Variants in ESRRG observed in about 807,000 individuals in gnomAD.
The protein encoded by ESRRG is estrogen-related receptor gamma.
In ESRRG, 13 loss-of-function variants were observed where a neutral mutation model predicts 44.0. That is an observed-to-expected ratio of 0.30 (90% CI 0.19 to 0.47). ESRRG has a LOEUF of 0.47. ESRRG is among the 20% of genes least tolerant of loss of function. ESRRG has a pLI of 1.00. For synonymous variants in ESRRG, 215 were observed against 214.6 expected (o/e 1.00, Z -0.02); for missense variants, 395 against 580.6 (o/e 0.68, Z 3.29).
At chr1:216,953,799 A>G (rs1476849395) in intron 1 of ESRRG, among the ~76,000 whole-genome samples, 2 of 152,192 alleles carry the variant, frequency 1.3e-5, no homozygotes, top group Non-Finnish European at 2.9e-5. Flanking sequence ...TATAAAATAT[A>G]GCTCAAGTAT....
chr1:216,853,363 A>G (rs971634322), intron 2 of ESRRG, among the ~76,000 whole-genome samples: 5 of 152,176 alleles, frequency 3.3e-5, no homozygotes, highest in African/African-American at 1.2e-4. Flanking sequence ...TCCAACTTCA[A>G]AAAAGTTCAA....
chr1:216,655,672 C>T (rs1035083236), intron 2 of ESRRG, among the ~76,000 whole-genome samples: 1 of 152,152 alleles, frequency 6.6e-6, no homozygotes, highest in Non-Finnish European at 1.5e-5. Context: ...GTTGCCTTGA[C>T]ACATACGGAT....
At chr1:216,605,995 G>C (rs1198653310) in intron 3 of ESRRG, among the ~76,000 whole-genome samples, 1 of 151,996 alleles carries the variant, frequency 6.6e-6, no homozygotes, top group African/African-American at 2.4e-5. Context: ...TTGCTTCACA[G>C]AGTTTAAGCT....
At chr1:216,840,350 C>T (rs781247163) in intron 2 of ESRRG, among the ~76,000 whole-genome samples, 2 of 152,210 alleles carry the variant, frequency 1.3e-5, no homozygotes, top group African/African-American at 4.8e-5. Context: ...TCAGCCTTCA[C>T]AGAATTGAAG....
chr1:217,087,430 C>T (rs961162260), intron 1 of ESRRG, among the ~76,000 whole-genome samples: 2 of 152,324 alleles, frequency 1.3e-5, no homozygotes, highest in Middle Eastern at 6.8e-3. Context: ...ACATGGTACT[C>T]TCTTGGTAAC....
chr1:216,513,758 C>T (rs2043380291), intron 6 of ESRRG, among the ~76,000 whole-genome samples: 1 of 152,052 alleles, frequency 6.6e-6, no homozygotes, highest in Non-Finnish European at 1.5e-5. Flanking sequence ...TACTTAAGGC[C>T]TTCCATCTCT....
At chr1:216,776,140 G>A (rs1190895620) in intron 2 of ESRRG, among the ~76,000 whole-genome samples, 1 of 151,982 alleles carries the variant, frequency 6.6e-6, no homozygotes, top group Non-Finnish European at 1.5e-5. Context: ...TGTTATACAA[G>A]GTGCTTTTTG....
intron 1 of ESRRG, among the ~76,000 whole-genome samples, chr1:216,685,656 G>A (rs1466316042): frequency 1.3e-5 from 2 of 152,204 alleles, no homozygotes; most frequent in East Asian, 3.8e-4. Context: ...TCCAGTGATG[G>A]AGTTCACAAA....
At chr1:216,826,202 A>ACC in intron 2 of ESRRG, among the ~76,000 whole-genome samples, 1 of 142,244 alleles carries the variant, frequency 7.0e-6, no homozygotes, top group South Asian at 2.2e-4. Context: ...AAAAAAAAAA[A>ACC]ACACACACAC....
At chr1:216,616,583 C>T (rs1008153761) in intron 3 of ESRRG, among the ~76,000 whole-genome samples, 3 of 152,176 alleles carry the variant, frequency 2.0e-5, no homozygotes, top group Non-Finnish European at 2.9e-5. Flanking sequence ...TGCCAACTGG[C>T]TGCATTTGTG....
chr1:216,904,952 G>A (rs2059525191), intron 2 of ESRRG, among the ~76,000 whole-genome samples: 1 of 152,172 alleles, frequency 6.6e-6, no homozygotes, highest in Admixed American at 6.6e-5. Flanking sequence ...AGATAGGGCA[G>A]CCTTTCAATA....
chr1:216,682,440 G>A (rs1012820449), intron 1 of ESRRG, among the ~76,000 whole-genome samples: 4 of 152,026 alleles, frequency 2.6e-5, no homozygotes, highest in African/African-American at 9.7e-5. Flanking sequence ...TATTTCCAAT[G>A]TTTTTGTATA....
rs78469719 is a variant in ESRRG, at chr1:216,770,752, C to T, written c.-13-93261G>A. ...ATTCATTGTTGGATTATATTTTGTACGTAACTATTCAACATTTCCTGCCCT... is the reference window on the plus strand; with the variant it reads ...ATTCATTGTTGGATTATATTTTGTATGTAACTATTCAACATTTCCTGCCCT... On this transcript the variant is annotated intron_variant, in intron 2 of 7. Transcript: ENST00000359162. 3.9e-4 allele frequency among the ~76,000 whole-genome samples: 60 copies of T among 152,050 alleles called. No homozygotes were observed. In the East Asian group the frequency reaches 8.9e-3, roughly 23 times the overall value.
At chr1:216,948,351 C>T (rs2066402656) in intron 1 of ESRRG, among the ~76,000 whole-genome samples, 1 of 151,442 alleles carries the variant, frequency 6.6e-6, no homozygotes, top group Non-Finnish European at 1.5e-5. Flanking sequence ...GTGGTGCACG[C>T]CTGTAATCCC....
chr1:216,882,252 T>TG (rs2096459118), intron 2 of ESRRG, among the ~76,000 whole-genome samples: 1 of 152,162 alleles, frequency 6.6e-6, no homozygotes, highest in African/African-American at 2.4e-5. Flanking sequence ...CTTCCTTAGA[T>TG]GGTCCATCAG....
intron 5 of ESRRG, among the ~76,000 whole-genome samples, chr1:216,545,699 C>T (rs2054291634): frequency 6.6e-6 from 1 of 151,962 alleles, no homozygotes; most frequent in South Asian, 2.1e-4. Context: ...GCTACAATGG[C>T]CTCTTTCTCC....
chr1:216,778,215 G>A (rs762717051), intron 2 of ESRRG, among the ~76,000 whole-genome samples: 1 of 151,956 alleles, frequency 6.6e-6, no homozygotes, highest in Non-Finnish European at 1.5e-5. Context: ...AGTAGAAAAC[G>A]GCAGAGGGAG....
At chr1:217,079,958 G>A (rs1416531222) in intron 1 of ESRRG, among the ~76,000 whole-genome samples, 2 of 152,172 alleles carry the variant, frequency 1.3e-5, no homozygotes, top group African/African-American at 2.4e-5. Context: ...GATAGATGAA[G>A]CTACACCCAG....
intron 2 of ESRRG, among the ~76,000 whole-genome samples, chr1:216,768,856 T>C (rs1450375544): frequency 6.6e-6 from 1 of 152,106 alleles, no homozygotes; most frequent in Non-Finnish European, 1.5e-5. Flanking sequence ...GAAAAGTGAA[T>C]ATCTTGTCTA....
Sources: allele counts gnomAD v4.1 joint callset (sites outside exome capture counted in the v4.1 genomes callset), GRCh38; gene constraint gnomAD v4.1.1; transcripts MANE v1.5; gene names NCBI Gene and HGNC (gene_info 2026-07-23, HGNC 2026-07-21).